The following ERMP1 variants were observed in gnomAD, a reference collection of about 807,000 sequenced individuals.
ERMP1 encodes endoplasmic reticulum metallopeptidase 1.
Under a neutral mutation model 92.0 loss-of-function variants are expected in ERMP1, and 86 were observed. That is an observed-to-expected ratio of 0.93 (90% CI 0.79 to 1.12). The LOEUF (loss-of-function observed/expected upper bound fraction) is 1.12, where lower values mean the gene tolerates loss of function less well. Ranked by LOEUF, ERMP1 falls within the 50% of genes most tolerant of loss-of-function variation. The pLI, the probability that ERMP1 is intolerant of heterozygous loss-of-function variation, is 0.00. For missense variants in ERMP1, 1,342 were observed against 1,116.3 expected, an observed-to-expected ratio of 1.20 and a Z score of -2.88; for synonymous variants, 530 against 412.8, an observed-to-expected ratio of 1.28 and a Z score of -3.44.
At position 5,810,075 on chromosome 9, in the gene ERMP1, T is replaced by C. The variant is rs935689284; in HGVS notation, c.1484A>G (p.Tyr495Cys). ...YNHFYVSVCL[Y>C]GTATVAKIIL... ...TATTTTGGCTACAGTTGCAGTTCCA[T>C]ACAGACAAACGGAGACATAGAAGTG... is the stretch of plus-strand genomic sequence containing the variant. Residue 495 changes from tyrosine to cysteine, a missense_variant, in exon 8 of 15, where the codon TAT (tyrosine) becomes TGT (cysteine). Tyr to Cys is a radical substitution (Grantham distance 194). Coordinates refer to ENST00000339450, the MANE Select transcript of ERMP1 (RefSeq NM_024896.3). 19 of 1,613,886 alleles carry C rather than the reference T, an allele frequency of 1.2e-5. No individual in the cohort carries two copies. The highest frequency in any genetic ancestry group is 1.4e-5 in the Non-Finnish European group (17 of 1,179,922).
At chr9:5,806,066 C>G (rs1828859378) in intron 8 of ERMP1, among the ~76,000 whole-genome samples, 1 of 152,118 alleles carries the variant, frequency 6.6e-6, no homozygotes, top group Non-Finnish European at 1.5e-5. Flanking sequence ...AGAAATTTTC[C>G]AAAATAGAAG....
intron 6 of ERMP1, among the ~76,000 whole-genome samples, chr9:5,856,626 C>T (rs1830376730): frequency 6.6e-6 from 1 of 152,172 alleles, no homozygotes; most frequent in South Asian, 2.1e-4. Context: ...CAGCCCTGTG[C>T]CAGTAGTCAC....
chr9:5,805,619 T>C lies in ERMP1; in HGVS notation c.1715A>G (p.Lys572Arg), dbSNP rs781150056. ...AATCAAAAATACCCTACCATGCTGC[T>C]TGAAGTCCTTATGCACACAGAGCTT... ...LTKLCVHKDF[K>R]QHGAQGKFIA... The change falls in exon 9 of 15, where the codon AAG becomes AGG. Residue 572 changes from lysine (K) to arginine (R), a missense_variant. By Grantham distance (26) the Lys-to-Arg change is conservative. Coordinates refer to ENST00000339450, the MANE Select transcript of ERMP1 (RefSeq NM_024896.3). The C allele has an allele frequency of 7.6e-6, 12 of 1,581,796 alleles. 1 individual carries two copies. In the South Asian group the frequency reaches 1.3e-4, roughly 17 times the overall value.
At chr9:5,805,270 T>C in intron 9 of ERMP1, 53 bp from the exon 10 acceptor site, 5 of 1,369,468 alleles carry the variant, frequency 3.7e-6, no homozygotes, top group South Asian at 1.3e-5. Context: ...CAGTGAGATA[T>C]AAATTTTTAT....
chr9:5,822,507 A>G (rs1414157515), intron 4 of ERMP1, among the ~76,000 whole-genome samples: 1 of 152,230 alleles, frequency 6.6e-6, no homozygotes, highest in Non-Finnish European at 1.5e-5. Flanking sequence ...CTATTAAAAT[A>G]TAGTATTGTT....
In ERMP1 at chr9:5,789,314, T is replaced by C. The variant is rs546579483; in HGVS notation, c.2387-1721A>G. On this transcript the variant is annotated intron_variant, in intron 13 of 14. Coordinates refer to ENST00000339450, the MANE Select transcript of ERMP1 (RefSeq NM_024896.3). ...ACTTACAAAAAAAATTACATTGGTA[T>C]CAGACCCCAAAAACAATATATAAAA... Among the ~76,000 whole-genome samples, 16 of 152,242 alleles carry C rather than the reference T, an allele frequency of 1.1e-4. No individual in the cohort carries two copies. The South Asian group carries it at 3.3e-3, about 32-fold the overall frequency.
Position 5,844,553 on chromosome 9 carries a change from C to T in ERMP1, n.3200-11241G>A, listed in dbSNP as rs201035564. On this transcript the variant is annotated intron_variant and non_coding_transcript_variant, in intron 6 of 6. Transcript: ENST00000690753. ...CCTCCCAAAGTGCTGGGATTACAGGCGTGAGCCACCACGCCTGGCCCTAGC... is the reference window on the plus strand; with the variant it reads ...CCTCCCAAAGTGCTGGGATTACAGGTGTGAGCCACCACGCCTGGCCCTAGC... Among the ~76,000 whole-genome samples, 189 of 152,270 alleles carry T rather than the reference C, an allele frequency of 1.2e-3. 1 individual carries two copies. Among genetic ancestry groups the T allele is most frequent in the African/African-American group, 4.4e-3 (183 of 41,550 alleles).
intron 6 of ERMP1, among the ~76,000 whole-genome samples, chr9:5,840,819 G>T (rs73389481): frequency 0.075 from 11,368 of 152,268 alleles, 552 homozygotes; most frequent in Middle Eastern, 0.12. Context: ...TCATTTGCAT[G>T]GCATTAAAAC....
In ERMP1 at chr9:5,811,230, T is replaced by A; in HGVS notation, c.1208A>T (p.Asp403Val). The change falls in exon 7 of 15, where the codon GAT (aspartate) becomes GTT (valine). Residue 403 changes from aspartate to valine, a missense_variant. Asp to Val is a radical substitution (Grantham distance 152, BLOSUM62 -3). Transcript: ENST00000339450. ...KYRHGNMVFF[D>V]VLGLFVIAYP... ...GGCAATGACAAACAGGCCCAGCACA[T>A]CAAAGAAGACCATGTTTCCATGTCG... is the stretch of plus-strand genomic sequence containing the variant. The A allele has an allele frequency of 6.2e-7, 1 of 1,613,294 alleles. No individual in the cohort carries two copies. The highest frequency in any genetic ancestry group is 8.5e-7 in the Non-Finnish European group (1 of 1,179,912).
upstream of ERMP1, among the ~76,000 whole-genome samples, chr9:5,838,067 C>G (rs1397373799): frequency 6.6e-6 from 1 of 151,978 alleles, no homozygotes; most frequent in Non-Finnish European, 1.5e-5. Context: ...CACTGCCCTC[C>G]AGCCTGGATT....
rs1020772851 is a variant in ERMP1 at position 5,833,073 on chromosome 9, GC to G, written c.-47del. The stretch of plus-strand genomic sequence containing the variant: ...AGCCCAACCGCCCCAACCCGCGACA[GC>G]CCCGGCCGCCGCCGACGCCGCCGTC... On this transcript the variant is annotated 5_prime_UTR_variant, in exon 1 of 15. Transcript: ENST00000339450. The G allele has an allele frequency of 3.6e-6, 5 of 1,390,358 alleles. No individual in the cohort carries two copies. The highest frequency in any genetic ancestry group is 6.9e-5 in the Admixed American group (2 of 29,088). The allele number at this position is 1,390,358 out of a possible 1,614,324, so 86.1% of individuals were successfully genotyped here.
At chr9:5,832,409 A>T (rs1156591970) in intron 1 of ERMP1, 1 of 408,032 alleles carries the variant, frequency 2.5e-6, no homozygotes, top group African/African-American at 2.1e-5. Flanking sequence ...CTCACAACCA[A>T]CCATCTGCAC....
chr9:5,822,225 C>T (rs575378876), intron 4 of ERMP1, among the ~76,000 whole-genome samples: 1 of 152,262 alleles, frequency 6.6e-6, no homozygotes, highest in Admixed American at 6.5e-5. Context: ...ACACTCCAGC[C>T]TGGGCAACGG....
intron 13 of ERMP1, among the ~76,000 whole-genome samples, chr9:5,797,372 G>A (rs1457952130): frequency 1.3e-5 from 2 of 151,234 alleles, no homozygotes; most frequent in East Asian, 1.9e-4. Context: ...AGCTTTGGCC[G>A]GGCGTGGTGG....
At chr9:5,851,855 C>T (rs1194803027) in intron 6 of ERMP1, among the ~76,000 whole-genome samples, 1 of 152,148 alleles carries the variant, frequency 6.6e-6, no homozygotes, top group Middle Eastern at 3.2e-3. Flanking sequence ...AGGAATATTA[C>T]TTAACGAATG....
intron 9 of ERMP1, among the ~76,000 whole-genome samples, 170 bp downstream of exon 9, chr9:5,805,441 A>G (rs1425799380): frequency 6.6e-6 from 1 of 152,240 alleles, no homozygotes; most frequent in Non-Finnish European, 1.5e-5. Flanking sequence ...GTTCACAAAC[A>G]TGAGAAAGGG....
chr9:5,801,468 C>T (rs556137500), intron 10 of ERMP1, 140 bp from the exon 11 acceptor site: 250 of 682,152 alleles, frequency 3.7e-4, no homozygotes, highest in Non-Finnish European at 5.1e-4. Context: ...CATACTCTAA[C>T]ATCTAGTAAA....
Position 5,812,183 on chromosome 9 carries a change from A to T in ERMP1, c.1056T>A (p.Ile352=), listed in dbSNP as rs1213187460. 3.7e-6 allele frequency: 6 copies of T among 1,609,134 alleles called. No individual in the cohort carries two copies. Among genetic ancestry groups the T allele is most frequent in the Non-Finnish European group, 5.1e-6 (6 of 1,177,102 alleles). The part of the protein sequence containing the change: ...IDLAFIENGY[I]YHTKYDTADR... ...CCGCTGTGTCATACTTGGTGTGATA[A>T]ATGTATCCATTCTCAATAAAAGCTA... is the stretch of plus-strand genomic sequence containing the variant. Residue 352 remains isoleucine, a synonymous_variant, in exon 6 of 15, where the codon ATT becomes ATA. Coordinates refer to ENST00000339450, the MANE Select transcript of ERMP1 (RefSeq NM_024896.3).
At chr9:5,837,425 A>T (rs1259242314), upstream of ERMP1, among the ~76,000 whole-genome samples, 1 of 152,206 alleles carries the variant, frequency 6.6e-6, no homozygotes, top group East Asian at 1.9e-4. Flanking sequence ...GATGAATATA[A>T]TTAAATATTT....
Sources: allele counts gnomAD v4.1 joint callset (sites outside exome capture counted in the v4.1 genomes callset), GRCh38; gene constraint gnomAD v4.1.1; transcripts MANE v1.5; gene names NCBI Gene and HGNC (gene_info 2026-07-23, HGNC 2026-07-21).